The following ZFPM2 variants were observed in gnomAD, a reference collection of about 807,000 sequenced individuals.
ZFPM2 encodes zinc finger protein ZFPM2.
A neutral mutation model predicts 98.6 loss-of-function variants in ZFPM2; 20 were observed. The ratio of observed to expected loss-of-function variants is 0.20; its 90% CI spans 0.14 to 0.29. The LOEUF is 0.29. Among genes scored for constraint, ZFPM2 ranks in the 10% least tolerant of loss-of-function variants. ZFPM2 has a pLI of 1.00. For missense variants in ZFPM2, 1,310 were observed against 1,388.6 expected (o/e 0.94, Z 0.90); for synonymous variants, 518 against 502.7 (o/e 1.03, Z -0.41).
chr8:105,518,317 C>T (rs1345650340), intron 3 of ZFPM2, among the ~76,000 whole-genome samples: 1 of 152,104 alleles, frequency 6.6e-6, no homozygotes, highest in Non-Finnish European at 1.5e-5. Flanking sequence ...GATCTATTAA[C>T]ATAGATACAA....
intron 3 of ZFPM2, among the ~76,000 whole-genome samples, chr8:105,557,262 G>C (rs1287507841): frequency 2.0e-5 from 3 of 152,088 alleles, no homozygotes; most frequent in African/African-American, 7.2e-5. Context: ...CCTATGGCTT[G>C]TATTACCATA....
intron 3 of ZFPM2, among the ~76,000 whole-genome samples, chr8:105,532,154 G>A (rs918369661): frequency 5.3e-5 from 8 of 151,976 alleles, no homozygotes; most frequent in African/African-American, 1.9e-4. Flanking sequence ...CACCTGTCTC[G>A]GGCTCCCAAA....
At chr8:105,591,590 GT>G (rs975877159) in intron 4 of ZFPM2, among the ~76,000 whole-genome samples, 78 of 152,070 alleles carry the variant, frequency 5.1e-4, no homozygotes, top group Non-Finnish European at 1.0e-3. Flanking sequence ...TTAAAGACTT[GT>G]TTTTTTAATA....
intron 5 of ZFPM2, among the ~76,000 whole-genome samples, chr8:105,754,827 A>C (rs1172228107): frequency 6.6e-6 from 1 of 152,128 alleles, no homozygotes; most frequent in Non-Finnish European, 1.5e-5. Context: ...CCCAAGCTGT[A>C]GAAGATTTAA....
chr8:105,458,442 TC>T (rs1160128304), intron 3 of ZFPM2, among the ~76,000 whole-genome samples: 16 of 152,090 alleles, frequency 1.1e-4, no homozygotes, highest in Non-Finnish European at 1.6e-4. Flanking sequence ...AAATTTGTTT[TC>T]CCCCCATTAC....
chr8:105,534,496 C>G (rs28539851), intron 3 of ZFPM2, among the ~76,000 whole-genome samples: 38,808 of 149,652 alleles, frequency 0.26, 5,139 homozygotes, highest in African/African-American at 0.33. Context: ...CCTCCTTTCT[C>G]TTCCTCTTCC....
Position 105,802,520 on chromosome 8 carries a change from A to C in ZFPM2, c.2438A>C (p.Lys813Thr), listed in dbSNP as rs2131180789. 6.2e-7 allele frequency: 1 copy of C among 1,612,106 alleles called. No individual in the cohort carries two copies. Among genetic ancestry groups the C allele is most frequent in the Non-Finnish European group, 8.5e-7 (1 of 1,179,044 alleles). Reference sequence around the variant, plus strand: ...ATCAACAAGTGTGTTCCAGTTTCCAAATGTGATACTACTCATTCCAGTGTT... The same window carrying C: ...ATCAACAAGTGTGTTCCAGTTTCCACATGTGATACTACTCATTCCAGTGTT... ...LTINKCVPVSKCDTTHSSVSC... is the reference protein window; with the variant it reads ...LTINKCVPVSTCDTTHSSVSC... Residue 813 changes from lysine (K) to threonine (T), a missense_variant, in exon 8 of 8, where the codon AAA becomes ACA. Physicochemically the swap from Lys to Thr is moderately conservative, Grantham distance 78 (BLOSUM62 -1). Transcript: ENST00000407775.
intron 3 of ZFPM2, among the ~76,000 whole-genome samples, chr8:105,506,945 G>A (rs1473883699): frequency 4.2e-5 from 6 of 142,554 alleles, no homozygotes; most frequent in African/African-American, 7.9e-5. Flanking sequence ...CCAAGATTGC[G>A]CCACTGCACT....
chr8:105,737,995 C>A (rs572078104), intron 5 of ZFPM2, among the ~76,000 whole-genome samples: 1 of 151,916 alleles, frequency 6.6e-6, no homozygotes, highest in Admixed American at 6.6e-5. Context: ...GAAAAAAAAG[C>A]AGCTAAGTTT....
chr8:105,640,534 G>A (rs1220049542), intron 5 of ZFPM2, among the ~76,000 whole-genome samples: 1 of 151,912 alleles, frequency 6.6e-6, no homozygotes, highest in African/African-American at 2.4e-5. Flanking sequence ...AACCATTTTT[G>A]AATGTCCTTT....
At chr8:105,389,200 G>A (rs1811060634) in intron 1 of ZFPM2, among the ~76,000 whole-genome samples, 1 of 152,076 alleles carries the variant, frequency 6.6e-6, no homozygotes, top group Admixed American at 6.6e-5. Context: ...AGGACACTCA[G>A]ACATGTCTAG....
At chr8:105,656,260 A>G (rs963717885) in intron 5 of ZFPM2, among the ~76,000 whole-genome samples, 5 of 152,142 alleles carry the variant, frequency 3.3e-5, no homozygotes, top group Admixed American at 1.3e-4. Flanking sequence ...TCCTAAAACT[A>G]TCTGCTGTGT....
At chr8:105,351,375 G>GTGTGTA (rs1554596842) in intron 1 of ZFPM2, among the ~76,000 whole-genome samples, 1 of 151,236 alleles carries the variant, frequency 6.6e-6, no homozygotes, top group Non-Finnish European at 1.5e-5. Flanking sequence ...GTGTGTGTGT[G>GTGTGTA]TGTGTGTTTG....
intron 3 of ZFPM2, among the ~76,000 whole-genome samples, chr8:105,516,945 T>C: frequency 6.6e-6 from 1 of 152,234 alleles, no homozygotes; most frequent in East Asian, 1.9e-4. Context: ...CTTTTGCGTC[T>C]ATAGCTCTTG....
intron 5 of ZFPM2, among the ~76,000 whole-genome samples, chr8:105,643,559 A>G (rs1319051573): frequency 6.6e-6 from 1 of 152,154 alleles, no homozygotes; most frequent in Non-Finnish European, 1.5e-5. Flanking sequence ...CTGGTCCACA[A>G]TGAGTACTAT....
At chr8:105,790,122 G>A (rs1162601966) in intron 6 of ZFPM2, among the ~76,000 whole-genome samples, 2 of 151,572 alleles carry the variant, frequency 1.3e-5, no homozygotes, top group South Asian at 2.1e-4. Flanking sequence ...GGCTTTTGTA[G>A]CCATTGCTTT....
intron 4 of ZFPM2, among the ~76,000 whole-genome samples, chr8:105,611,097 A>C (rs1476109433): frequency 6.6e-6 from 1 of 152,208 alleles, no homozygotes; most frequent in Non-Finnish European, 1.5e-5. Flanking sequence ...TTGAGTTTAT[A>C]CATTATTTAC....
chr8:105,793,379 A>G (rs978205023), intron 6 of ZFPM2, among the ~76,000 whole-genome samples: 44 of 152,282 alleles, frequency 2.9e-4, no homozygotes, highest in African/African-American at 1.1e-3. Flanking sequence ...TTCTGGGTTG[A>G]AAATTCTTTT....
chr8:105,648,184 A>G (rs1041117623), intron 5 of ZFPM2, among the ~76,000 whole-genome samples: 1 of 152,082 alleles, frequency 6.6e-6, no homozygotes, highest in African/African-American at 2.4e-5. Flanking sequence ...TTCTTTTGAG[A>G]AGTGTCTGTT....
Sources: allele counts gnomAD v4.1 joint callset (sites outside exome capture counted in the v4.1 genomes callset), GRCh38; gene constraint gnomAD v4.1.1; transcripts MANE v1.5; gene names NCBI Gene and HGNC (gene_info 2026-07-23, HGNC 2026-07-21).